Variants in DDX31 observed in about 807,000 individuals in gnomAD.
DDX31 encodes ATP-dependent DNA helicase DDX31.
A neutral mutation model predicts 91.3 loss-of-function variants in DDX31; 70 were observed. That is an observed-to-expected ratio of 0.77 (90% CI 0.63 to 0.94). The LOEUF is 0.94. Ranked by LOEUF, DDX31 falls within the 40% of genes least tolerant of loss-of-function variation. The pLI is 0.00. For synonymous variants in DDX31, 362 were observed against 350.6 expected, an observed-to-expected ratio of 1.03 and a Z score of -0.36; for missense variants, 902 against 925.0, an observed-to-expected ratio of 0.98 and a Z score of 0.32.
At chr9:132,607,743 G>C (rs1383482924) in intron 19 of DDX31, among the ~76,000 whole-genome samples, 1 of 152,198 alleles carries the variant, frequency 6.6e-6, no homozygotes, top group Admixed American at 6.5e-5. Context: ...CAGTGGTACA[G>C]TGATCATAGT....
chr9:132,669,670 A>C (rs1439950448), intron 1 of DDX31, 190 bp downstream of exon 1: 33 of 1,532,974 alleles, frequency 2.2e-5, no homozygotes, highest in Non-Finnish European at 2.8e-5. Flanking sequence ...TTCCAGGCGC[A>C]TCCCTGCGGG....
chr9:132,667,665 TC>T (rs1213745153), intron 1 of DDX31, among the ~76,000 whole-genome samples: 1 of 151,800 alleles, frequency 6.6e-6, no homozygotes, highest in African/African-American at 2.4e-5. Flanking sequence ...CAGACACCTG[TC>T]ATCACTGCAT....
Position 132,647,122 on chromosome 9 carries a change from G to C in DDX31, c.968-64C>G, listed in dbSNP as rs573397711. 9 of 1,480,332 alleles carry C rather than the reference G, an allele frequency of 6.1e-6. No individual in the cohort carries two copies. The East Asian group carries it at 2.0e-4, about 34-fold the overall frequency. 91.7% of individuals were successfully genotyped at this position (1,480,332 alleles called of 1,614,324 possible). A position where few individuals can be genotyped will look rare whatever the true frequency, so the allele number is the denominator to read the frequency against. Reference sequence around the variant, plus strand: ...ACACCATGAAACTGGTCACAAAAGCGTACCCCCATACAGCACCCACCCATG... The same window carrying C: ...ACACCATGAAACTGGTCACAAAAGCCTACCCCCATACAGCACCCACCCATG... On this transcript the variant is annotated intron_variant, in intron 11 of 19. Transcript: ENST00000372159.
At chr9:132,624,784 C>T (rs937226838) in intron 17 of DDX31, among the ~76,000 whole-genome samples, 8 of 152,186 alleles carry the variant, frequency 5.3e-5, no homozygotes, top group African/African-American at 1.4e-4. Flanking sequence ...GTATTACATA[C>T]ATTTCCTTAG....
intron 1 of DDX31, among the ~76,000 whole-genome samples, chr9:132,669,256 G>GCCCC (rs35218211): frequency 3.5e-5 from 4 of 115,404 alleles, no homozygotes; most frequent in East Asian, 4.9e-4. Flanking sequence ...CACCCCGCCC[G>GCCCC]CCCCCCCCAA....
chr9:132,634,032 CAA>C (rs549683856), intron 14 of DDX31, among the ~76,000 whole-genome samples: 246 of 152,164 alleles, frequency 1.6e-3, no homozygotes, highest in African/African-American at 5.6e-3. Context: ...GTTTCTTCAA[CAA>C]AAAAGTTAAA....
chr9:132,614,542 T>G (rs571066078), intron 18 of DDX31, among the ~76,000 whole-genome samples: 5 of 152,234 alleles, frequency 3.3e-5, no homozygotes, highest in African/African-American at 1.2e-4. Context: ...GCCGAAACCA[T>G]GCCAAGAGCC....
intron 13 of DDX31, among the ~76,000 whole-genome samples, chr9:132,645,198 A>G (rs922795954): frequency 1.3e-5 from 2 of 152,090 alleles, no homozygotes; most frequent in African/African-American, 4.8e-5. Context: ...AATTCCAGTG[A>G]GTATATCTCA....
At chr9:132,597,964 C>A (rs1282400800) in intron 19 of DDX31, among the ~76,000 whole-genome samples, 1 of 152,168 alleles carries the variant, frequency 6.6e-6, no homozygotes, top group Non-Finnish European at 1.5e-5. Flanking sequence ...GTTATCATCA[C>A]CACCTTTCCT....
At chr9:132,663,170 G>A (rs1373767856) in intron 1 of DDX31, 31 of 1,288,346 alleles carry the variant, frequency 2.4e-5, no homozygotes, top group South Asian at 1.6e-4. Flanking sequence ...AGAGAGGGGC[G>A]AGGGGGAATG....
intron 19 of DDX31, among the ~76,000 whole-genome samples, chr9:132,599,270 C>A (rs1830601654): frequency 6.6e-6 from 1 of 152,176 alleles, no homozygotes; most frequent in Non-Finnish European, 1.5e-5. Flanking sequence ...TTGTCCAGGG[C>A]CAAAAATCAG....
intron 13 of DDX31, among the ~76,000 whole-genome samples, chr9:132,644,315 G>T (rs1013824589): frequency 6.6e-6 from 1 of 152,046 alleles, no homozygotes; most frequent in Admixed American, 6.5e-5. Flanking sequence ...AGTAATAAAG[G>T]CACTTTAACA....
At position 132,662,308 on chromosome 9, in the gene DDX31, C is replaced by G; in HGVS notation, c.361G>C (p.Val121Leu). 1 of 1,614,226 alleles carries G rather than the reference C, an allele frequency of 6.2e-7. No homozygotes were observed. The highest frequency in any genetic ancestry group is 1.1e-5 in the South Asian group (1 of 91,088). The change falls in exon 3 of 20, where the codon GTG becomes CTG. Residue 121 changes from valine to leucine, a missense_variant. Val to Leu is a conservative substitution (Grantham distance 32). Transcript: ENST00000372159. The stretch of plus-strand genomic sequence containing the variant: ...TCATGAAAAGCAGCTGAAGTAAACA[C>G]TTTTTCTTGCACCTGCTTTACCACA... ...RPVVKQVQEK[V>L]FTSAAFHELG...
At chr9:132,645,575 ACT>A (rs1833779015) in intron 13 of DDX31, among the ~76,000 whole-genome samples, 1 of 152,016 alleles carries the variant, frequency 6.6e-6, no homozygotes. Context: ...ACTTAGTGGT[ACT>A]CTGTTGCCTT....
chr9:132,644,979 AAG>A (rs1248389421), intron 13 of DDX31, among the ~76,000 whole-genome samples: 2 of 152,206 alleles, frequency 1.3e-5, no homozygotes, highest in African/African-American at 4.8e-5. Flanking sequence ...AGCAAAAGCA[AAG>A]AGAGGCTGGA....
chr9:132,632,271 C>CACACACACACAT (rs1321976880), intron 14 of DDX31, among the ~76,000 whole-genome samples, 180 bp from the exon 15 acceptor site: 6 of 145,012 alleles, frequency 4.1e-5, no homozygotes, highest in Non-Finnish European at 7.6e-5. Context: ...CACACACACA[C>CACACACACACAT]ACACACACAC....
chr9:132,598,283 T>C (rs995926592), intron 19 of DDX31, among the ~76,000 whole-genome samples: 2 of 152,334 alleles, frequency 1.3e-5, no homozygotes, highest in Middle Eastern at 3.4e-3. Context: ...AAGCATGCGA[T>C]GGGCACTCAA....
chr9:132,629,632 C>T (rs918384094), intron 16 of DDX31, among the ~76,000 whole-genome samples: 5 of 152,212 alleles, frequency 3.3e-5, no homozygotes, highest in African/African-American at 9.6e-5. Context: ...TGATGTTTTA[C>T]ATAAAACACA....
intron 6 of DDX31, among the ~76,000 whole-genome samples, chr9:132,653,630 A>T (rs1834361744): frequency 6.6e-6 from 1 of 151,914 alleles, no homozygotes; most frequent in Non-Finnish European, 1.5e-5. Context: ...ATATGAAGAA[A>T]ATTTAAAAAC....
Sources: gnomAD v4.1 joint callset for allele counts (sites outside exome capture counted in the v4.1 genomes callset) on GRCh38, gnomAD v4.1.1 for gene constraint, MANE v1.5 for transcripts, NCBI Gene and HGNC (gene_info 2026-07-23, HGNC 2026-07-21) for gene names.